The following ANKRD17 variants were observed in gnomAD, a reference collection of about 807,000 sequenced individuals.
The protein encoded by ANKRD17 is ankyrin repeat domain 17.
ANKRD17 carries 19 observed loss-of-function variants against 229.7 expected under a neutral mutation model. The ratio of observed to expected loss-of-function variants is 0.08; its 90% CI spans 0.06 to 0.12. The LOEUF (loss-of-function observed/expected upper bound fraction) is 0.12. Ranked by LOEUF, ANKRD17 falls within the 10% of genes least tolerant of loss-of-function variation. ANKRD17 has a pLI of 1.00. For synonymous variants in ANKRD17, 1,112 were observed against 1,146.1 expected, an observed-to-expected ratio of 0.97 and a Z score of 0.60; for missense variants, 2,176 against 3,176.8, an observed-to-expected ratio of 0.68 and a Z score of 7.57.
intron 24 of ANKRD17, chr4:73,112,778 C>T: frequency 1.3e-6 from 1 of 763,960 alleles, no homozygotes; most frequent in Non-Finnish European, 1.6e-6. Flanking sequence ...GCATTTTGAC[C>T]TTTTTAAAAA....
intron 1 of ANKRD17, among the ~76,000 whole-genome samples, chr4:73,182,084 A>G (rs1386964325): frequency 3.3e-5 from 5 of 149,396 alleles, no homozygotes; most frequent in African/African-American, 1.2e-4. Flanking sequence ...AAAAAAAAAA[A>G]AAAAAAAATT....
At chr4:73,110,657 T>C (rs1170168153) in intron 24 of ANKRD17, among the ~76,000 whole-genome samples, 3 of 152,228 alleles carry the variant, frequency 2.0e-5, no homozygotes, top group Non-Finnish European at 2.9e-5. Context: ...ATGTAAATTA[T>C]AATTAAAAAA....
intron 18 of ANKRD17, 136 bp downstream of exon 18, chr4:73,124,777 T>C (rs1727217455): frequency 8.2e-6 from 9 of 1,104,020 alleles, no homozygotes; most frequent in Non-Finnish European, 8.8e-6. Flanking sequence ...CATCTTTTTG[T>C]TAATAGATAA....
At chr4:73,090,605 A>C (rs1024781507) in intron 29 of ANKRD17, 62 bp downstream of exon 29, 8 of 1,592,366 alleles carry the variant, frequency 5.0e-6, no homozygotes, top group Non-Finnish European at 6.8e-6. Flanking sequence ...GAAAATGACC[A>C]AGAATTTTCA....
chr4:73,166,982 T>C (rs1054725961), intron 2 of ANKRD17, among the ~76,000 whole-genome samples: 1 of 152,178 alleles, frequency 6.6e-6, no homozygotes, highest in Non-Finnish European at 1.5e-5. Context: ...GAATTACTTT[T>C]TTTTCCTTTA....
chr4:73,180,130 A>G (rs908969245), intron 1 of ANKRD17, among the ~76,000 whole-genome samples: 1 of 152,182 alleles, frequency 6.6e-6, no homozygotes, highest in Non-Finnish European at 1.5e-5. Context: ...AGAAGACATC[A>G]AAAAGCAGTA....
chr4:73,247,764 G>A (rs1399005528), intron 1 of ANKRD17, among the ~76,000 whole-genome samples: 2 of 151,798 alleles, frequency 1.3e-5, no homozygotes, highest in African/African-American at 4.8e-5. Context: ...TATATTTGAA[G>A]AAAGCTCATC....
chr4:73,112,535 T>A, intron 24 of ANKRD17: 1 of 390,858 alleles, frequency 2.6e-6, no homozygotes, highest in East Asian at 1.6e-4. Flanking sequence ...CACAAATTTT[T>A]AAAAATGAAG....
intron 1 of ANKRD17, among the ~76,000 whole-genome samples, chr4:73,249,652 G>A (rs1393234437): frequency 1.3e-5 from 2 of 152,132 alleles, no homozygotes; most frequent in Non-Finnish European, 2.9e-5. Context: ...TCAGGAGTTC[G>A]AGACCAGCCT....
chr4:73,100,745 G>T, intron 25 of ANKRD17: 1 of 648,998 alleles, frequency 1.5e-6, no homozygotes, highest in Non-Finnish European at 1.9e-6. Flanking sequence ...GTGACATAGA[G>T]GTATTTACCA....
At chr4:73,127,631 A>C (rs1193537592) in intron 16 of ANKRD17, among the ~76,000 whole-genome samples, 1 of 152,114 alleles carries the variant, frequency 6.6e-6, no homozygotes, top group Admixed American at 6.6e-5. Flanking sequence ...TGTATTTTCT[A>C]CCTGTAGTGA....
intron 28 of ANKRD17, among the ~76,000 whole-genome samples, chr4:73,093,376 C>CTTTTTTTTTTTTTTTTT (rs11368928): frequency 8.9e-6 from 1 of 112,838 alleles, no homozygotes; most frequent in Non-Finnish European, 1.7e-5. Context: ...AACTCAAATT[C>CTTTTTTTTTTTTTTTTT]TTTTTTTTTT....
Position 73,098,316 on chromosome 4 carries a change from T to A in ANKRD17, c.4778A>T (p.Tyr1593Phe), listed in dbSNP as rs747360544. The change falls in exon 26 of 34, where the codon TAC (tyrosine) becomes TTC (phenylalanine). Residue 1593 changes from tyrosine to phenylalanine, a missense_variant. Tyr to Phe is a conservative substitution (Grantham distance 22, BLOSUM62 3). This residue lies in a region of ANKRD17 where 105 missense variants were observed against 118.3 expected (regional missense o/e 0.89). Coordinates refer to ENST00000358602, the MANE Select transcript of ANKRD17 (RefSeq NM_032217.5). ...IIFDDPLPIS[Y>F]SQPEKVNGES... ...TCCATTCACCTTCTCTGGCTGACTGTATGAAATTGGTAGTGGATCATCAAA... is the reference window on the plus strand; with the variant it reads ...TCCATTCACCTTCTCTGGCTGACTGAATGAAATTGGTAGTGGATCATCAAA... 32 of 1,614,250 alleles carry A rather than the reference T, an allele frequency of 2.0e-5. No individual in the cohort carries two copies. The highest frequency in any genetic ancestry group is 2.7e-5 in the Non-Finnish European group (32 of 1,180,038).
intron 30 of ANKRD17, 76 bp from the exon 31 acceptor site, chr4:73,078,966 C>A: frequency 7.0e-7 from 1 of 1,430,652 alleles, no homozygotes; most frequent in Non-Finnish European, 9.4e-7. Flanking sequence ...AATCTTAAAA[C>A]CAGGAGATGT....
intron 18 of ANKRD17, among the ~76,000 whole-genome samples, chr4:73,123,645 C>CT (rs1416395298): frequency 6.6e-6 from 1 of 152,050 alleles, no homozygotes; most frequent in Non-Finnish European, 1.5e-5. Flanking sequence ...TGACCAAGCC[C>CT]TACCCTTACT....
At chr4:73,084,533 C>G (rs1386232933) in intron 30 of ANKRD17, among the ~76,000 whole-genome samples, 1 of 151,362 alleles carries the variant, frequency 6.6e-6, no homozygotes, top group Admixed American at 6.6e-5. Context: ...ACTGCAACCT[C>G]CGCCTCCTGG....
intron 1 of ANKRD17, among the ~76,000 whole-genome samples, chr4:73,181,736 G>C (rs1735573159): frequency 6.6e-6 from 1 of 151,846 alleles, no homozygotes; most frequent in Non-Finnish European, 1.5e-5. Context: ...ATTAAAAATG[G>C]TCCAAATAAG....
chr4:73,146,218 C>G (rs1458069653), intron 10 of ANKRD17, among the ~76,000 whole-genome samples: 1 of 152,110 alleles, frequency 6.6e-6, no homozygotes, highest in African/African-American at 2.4e-5. Flanking sequence ...AATAATACAT[C>G]AGATGACTGC....
intron 1 of ANKRD17, among the ~76,000 whole-genome samples, chr4:73,254,986 T>C (rs1274667277): frequency 1.3e-5 from 2 of 152,196 alleles, no homozygotes; most frequent in Non-Finnish European, 2.9e-5. Context: ...ATTTTCCATA[T>C]TGGTCAGTCA....
Sources: gnomAD v4.1 joint callset for allele counts (sites outside exome capture counted in the v4.1 genomes callset) on GRCh38, gnomAD v4.1.1 for gene constraint, gnomAD v4.1.1 regional missense constraint, MANE v1.5 for transcripts, NCBI Gene and HGNC (gene_info 2026-07-23, HGNC 2026-07-21) for gene names.